Variants in HTR4 observed in about 807,000 individuals in gnomAD.
HTR4 encodes the protein 5-hydroxytryptamine receptor 4.
Under a neutral mutation model 36.8 loss-of-function variants are expected in HTR4, and 16 were observed. The observed-to-expected ratio is 0.43, with a 90% CI of 0.29 to 0.66. The LOEUF (loss-of-function observed/expected upper bound fraction) is 0.66. HTR4 is among the 30% of genes least tolerant of loss of function. The pLI is 0.13. For synonymous variants in HTR4, 189 were observed against 185.1 expected (o/e 1.02, Z -0.17); for missense variants, 438 against 490.9 (o/e 0.89, Z 1.02).
At chr5:148,463,977 A>G (rs1403036235) in intron 5 of HTR4, among the ~76,000 whole-genome samples, 1 of 150,246 alleles carries the variant, frequency 6.7e-6, no homozygotes, top group African/African-American at 2.4e-5. Flanking sequence ...AGGCAATACA[A>G]GGAAGAAAAG....
chr5:148,525,993 G>A (rs773488077), intron 4 of HTR4, among the ~76,000 whole-genome samples: 8 of 152,298 alleles, frequency 5.3e-5, no homozygotes, highest in African/African-American at 1.7e-4. Context: ...GGAGTGATGC[G>A]TCCATAAGCC....
At chr5:148,641,058 T>G (rs1458204954) in intron 1 of HTR4, among the ~76,000 whole-genome samples, 3 of 152,222 alleles carry the variant, frequency 2.0e-5, no homozygotes. Flanking sequence ...GACTATTTTC[T>G]GCAGGACTCA....
chr5:148,520,549 C>T (rs1757962234), intron 5 of HTR4, among the ~76,000 whole-genome samples: 1 of 152,188 alleles, frequency 6.6e-6, no homozygotes, highest in East Asian at 1.9e-4. Context: ...AGATACAGTC[C>T]CCACTACTTC....
chr5:148,538,745 A>C (rs1758955640), intron 4 of HTR4, among the ~76,000 whole-genome samples: 1 of 152,184 alleles, frequency 6.6e-6, no homozygotes, highest in African/African-American at 2.4e-5. Flanking sequence ...AAATGGAAAA[A>C]CATTGCATGT....
chr5:148,482,756 G>T lies in HTR4; in HGVS notation c.*447C>A. Reference sequence around the variant, plus strand: ...AGCAAGTAAGCAAGACAGGAGCGACGCCTCTGGCTAAGACAGGAACAGAGA... The same window carrying T: ...AGCAAGTAAGCAAGACAGGAGCGACTCCTCTGGCTAAGACAGGAACAGAGA... On this transcript the variant is annotated 3_prime_UTR_variant, in exon 7 of 7. Coordinates refer to ENST00000377888, the MANE Select transcript of HTR4 (RefSeq NM_000870.7). 9.8e-7 allele frequency: 1 copy of T among 1,019,164 alleles called. No homozygotes were observed. Among genetic ancestry groups the T allele is most frequent in the Non-Finnish European group, 1.2e-6 (1 of 848,622 alleles). The allele number at this position is 1,019,164 out of a possible 1,614,324, so 63.1% of individuals were successfully genotyped here. A position where few individuals can be genotyped will look rare whatever the true frequency, so the allele number is the denominator to read the frequency against.
intron 2 of HTR4, among the ~76,000 whole-genome samples, chr5:148,580,053 G>A (rs909840245): frequency 3.9e-5 from 6 of 151,978 alleles, no homozygotes; most frequent in Non-Finnish European, 8.8e-5. Flanking sequence ...CAGGGAGCAG[G>A]ATATCTTGGG....
intron 2 of HTR4, among the ~76,000 whole-genome samples, chr5:148,588,099 C>T (rs1312414578): frequency 6.6e-6 from 1 of 152,132 alleles, no homozygotes; most frequent in Admixed American, 6.5e-5. Context: ...AACACCAAGG[C>T]TCGTAAGATT....
chr5:148,451,293 G>C (rs774685276), intron 5 of HTR4: 2 of 1,613,430 alleles, frequency 1.2e-6, no homozygotes, highest in East Asian at 2.2e-5. Flanking sequence ...AGGAAAGAAG[G>C]CATGAGAATT....
chr5:148,525,132 G>A (rs1758205069), intron 4 of HTR4, among the ~76,000 whole-genome samples: 2 of 152,142 alleles, frequency 1.3e-5, no homozygotes, highest in Non-Finnish European at 2.9e-5. Flanking sequence ...TTCTGACATG[G>A]CTGCAAAATC....
At chr5:148,536,082 A>G (rs138283982) in intron 4 of HTR4, among the ~76,000 whole-genome samples, 179 of 152,228 alleles carry the variant, frequency 1.2e-3, no homozygotes, top group African/African-American at 3.9e-3. Context: ...TAGTCCTATA[A>G]TCAACATTCT....
chr5:148,536,914 C>T (rs1031318742), intron 4 of HTR4, among the ~76,000 whole-genome samples: 1 of 152,168 alleles, frequency 6.6e-6, no homozygotes, highest in Non-Finnish European at 1.5e-5. Context: ...GAACTCTCCA[C>T]CCCAAAACAA....
intron 2 of HTR4, among the ~76,000 whole-genome samples, chr5:148,579,032 A>G (rs1761034872): frequency 6.6e-6 from 1 of 152,054 alleles, no homozygotes; most frequent in African/African-American, 2.4e-5. Flanking sequence ...ATTTCTGCAC[A>G]CTAAGTTCTA....
intron 2 of HTR4, among the ~76,000 whole-genome samples, chr5:148,609,785 C>T (rs181644012): frequency 4.6e-5 from 7 of 152,188 alleles, no homozygotes; most frequent in Admixed American, 1.3e-4. Flanking sequence ...CCAGGATGTT[C>T]GCAATCTCCT....
At chr5:148,571,045 A>G (rs1448756364) in intron 2 of HTR4, among the ~76,000 whole-genome samples, 1 of 152,060 alleles carries the variant, frequency 6.6e-6, no homozygotes, top group East Asian at 1.9e-4. Flanking sequence ...GACAGGTTTC[A>G]CATTACAACA....
Position 148,483,186 on chromosome 5 carries a change from G to A in HTR4, c.*17C>T, listed in dbSNP as rs1755972500. ...TTTCGGAGGCATGGCTGTCTTCTGG[G>A]TCATTGTCCCAGGGGCCTAAGTGTC... On this transcript the variant is annotated 3_prime_UTR_variant, in exon 7 of 7. Transcript: ENST00000377888. 3 of 1,613,826 alleles carry A rather than the reference G, an allele frequency of 1.9e-6. No individual in the cohort carries two copies. The African/African-American group carries it at 4.0e-5, about 22-fold the overall frequency.
chr5:148,538,329 A>C, intron 4 of HTR4, among the ~76,000 whole-genome samples: 1 of 152,166 alleles, frequency 6.6e-6, no homozygotes, highest in East Asian at 1.9e-4. Flanking sequence ...GGCACAAGAC[A>C]AGAATGCCCT....
At chr5:148,451,170 G>T (rs201244212) in exon 6 of HTR4, 1 of 1,613,632 alleles carries the variant, frequency 6.2e-7, no homozygotes, top group South Asian at 1.1e-5. Flanking sequence ...GCTAAGTTGT[G>T]AGCCATGTCC....
chr5:148,600,123 T>C (rs1761930791), intron 2 of HTR4, among the ~76,000 whole-genome samples: 1 of 151,068 alleles, frequency 6.6e-6, no homozygotes, highest in Admixed American at 6.6e-5. Context: ...TAGACATACA[T>C]TCAAATATAT....
At chr5:148,495,067 T>G (rs1756625281) in intron 6 of HTR4, among the ~76,000 whole-genome samples, 2 of 152,104 alleles carry the variant, frequency 1.3e-5, no homozygotes, top group South Asian at 4.1e-4. Context: ...GTGTCCTAGG[T>G]TTGAGTAAGA....
Sources: allele counts gnomAD v4.1 joint callset (sites outside exome capture counted in the v4.1 genomes callset), GRCh38; gene constraint gnomAD v4.1.1; transcripts MANE v1.5; gene names NCBI Gene and HGNC (gene_info 2026-07-23, HGNC 2026-07-21).